The following CLSTN2 variants were observed in gnomAD, a reference collection of about 807,000 sequenced individuals.
CLSTN2 encodes calsyntenin-2.
A neutral mutation model predicts 101.2 loss-of-function variants in CLSTN2; 48 were observed. That is an observed-to-expected ratio of 0.47 (90% CI 0.38 to 0.60). CLSTN2 has a LOEUF of 0.60. Ranked by LOEUF, CLSTN2 falls within the 20% of genes least tolerant of loss-of-function variation. CLSTN2 has a pLI of 0.00. For synonymous variants in CLSTN2, 481 were observed against 463.6 expected (o/e 1.04, Z -0.48); for missense variants, 1,160 against 1,238.2 (o/e 0.94, Z 0.95).
chr3:139,989,982 C>A (rs1395593467), intron 1 of CLSTN2, among the ~76,000 whole-genome samples: 1 of 152,208 alleles, frequency 6.6e-6, no homozygotes, highest in Non-Finnish European at 1.5e-5. Context: ...GATTTCAAAG[C>A]CAGATGGCTG....
At chr3:140,281,883 A>C (rs2086850589) in intron 2 of CLSTN2, among the ~76,000 whole-genome samples, 1 of 152,152 alleles carries the variant, frequency 6.6e-6, no homozygotes, top group East Asian at 1.9e-4. Context: ...TAGCTGCTCT[A>C]TCGGATTAGT....
intron 12 of CLSTN2, among the ~76,000 whole-genome samples, chr3:140,559,142 A>C (rs1309969747): frequency 1.3e-5 from 2 of 151,710 alleles, no homozygotes; most frequent in Admixed American, 6.6e-5. Context: ...GTACCTACAC[A>C]TAGAATGATC....
intron 2 of CLSTN2, among the ~76,000 whole-genome samples, chr3:140,284,203 A>T (rs2086874270): frequency 6.6e-6 from 1 of 152,230 alleles, no homozygotes; most frequent in African/African-American, 2.4e-5. Context: ...GATTTTATCA[A>T]AATAAGAATT....
At chr3:140,036,515 C>T (rs1273305808) in intron 1 of CLSTN2, among the ~76,000 whole-genome samples, 2 of 151,968 alleles carry the variant, frequency 1.3e-5, no homozygotes, top group Non-Finnish European at 2.9e-5. Flanking sequence ...TATCCAGGGG[C>T]ATGGTCTCAA....
intron 5 of CLSTN2, among the ~76,000 whole-genome samples, chr3:140,423,826 G>C (rs749152344): frequency 6.6e-6 from 1 of 151,642 alleles, no homozygotes; most frequent in African/African-American, 2.4e-5. Flanking sequence ...TCTCCCTTAC[G>C]TGCCCACCCT....
Position 140,388,512 on chromosome 3 carries a change from C to T in CLSTN2, c.233-15117C>T, listed in dbSNP as rs116081673. ...AGCCAGGCACAGAAGCTTCTACTCT[C>T]CCTTTAGATTCCTATAATGGTAATT... On this transcript the variant is annotated intron_variant, in intron 2 of 16. Coordinates refer to ENST00000458420, the MANE Select transcript of CLSTN2 (RefSeq NM_022131.3). Among the ~76,000 whole-genome samples, 1,273 of 152,326 alleles carry T rather than the reference C, an allele frequency of 8.4e-3. 7 individuals are homozygous for T. Among genetic ancestry groups the T allele is most frequent in the South Asian group, 0.018 (89 of 4,826 alleles).
intron 1 of CLSTN2, among the ~76,000 whole-genome samples, chr3:139,952,644 G>T (rs1935313768): frequency 6.6e-6 from 1 of 152,150 alleles, no homozygotes; most frequent in Non-Finnish European, 1.5e-5. Context: ...AAAAAAAATT[G>T]GGGGAGCAAA....
At chr3:140,069,007 G>T (rs762773107) in intron 1 of CLSTN2, among the ~76,000 whole-genome samples, 3 of 152,164 alleles carry the variant, frequency 2.0e-5, no homozygotes, top group Non-Finnish European at 4.4e-5. Context: ...CTGCCACATA[G>T]TAGGTATTCA....
At chr3:140,184,350 G>A (rs1157511828) in intron 2 of CLSTN2, among the ~76,000 whole-genome samples, 1 of 152,172 alleles carries the variant, frequency 6.6e-6, no homozygotes, top group Non-Finnish European at 1.5e-5. Context: ...GCCTGGATGG[G>A]GAGGCCTCAG....
chr3:140,555,559 G>C (rs538603663), intron 10 of CLSTN2, among the ~76,000 whole-genome samples: 1 of 152,192 alleles, frequency 6.6e-6, no homozygotes, highest in South Asian at 2.1e-4. Context: ...CTATTCAAAA[G>C]GGTAAATACT....
intron 10 of CLSTN2, among the ~76,000 whole-genome samples, chr3:140,551,523 G>A (rs1935698668): frequency 6.6e-6 from 1 of 151,992 alleles, no homozygotes; most frequent in South Asian, 2.1e-4. Context: ...GGAAGAGTGG[G>A]AAAGAGCAAG....
chr3:140,151,518 C>T lies in CLSTN2; in HGVS notation c.110-24433C>T, dbSNP rs116514035. ...AGTGGGATCTTTATACACGGGGTGA[C>T]GGGAGTTGCTGGAAGGGTGTAATCA... On this transcript the variant is annotated intron_variant, in intron 1 of 16. Coordinates refer to ENST00000458420, the MANE Select transcript of CLSTN2 (RefSeq NM_022131.3). Among the ~76,000 whole-genome samples, 378 of 152,010 alleles carry T rather than the reference C, an allele frequency of 2.5e-3. 2 individuals are homozygous for T. The highest frequency in any genetic ancestry group is 8.5e-3 in the African/African-American group (354 of 41,492).
At chr3:140,156,612 A>G (rs115226707) in intron 1 of CLSTN2, among the ~76,000 whole-genome samples, 1,711 of 152,312 alleles carry the variant, frequency 0.011, 12 homozygotes, top group Middle Eastern at 0.02. Context: ...TGTCTGAGCC[A>G]GTGACTGAGT....
intron 1 of CLSTN2, among the ~76,000 whole-genome samples, chr3:140,147,230 G>A (rs973489744): frequency 2.6e-5 from 4 of 152,354 alleles, no homozygotes; most frequent in African/African-American, 9.6e-5. Flanking sequence ...AAATCAGGAA[G>A]AGCATCCCAG....
chr3:140,241,902 CACAT>C (rs1559816798), intron 2 of CLSTN2, among the ~76,000 whole-genome samples: 5 of 149,910 alleles, frequency 3.3e-5, no homozygotes, highest in African/African-American at 1.2e-4. Context: ...CACACACACA[CACAT>C]ATATATATAT....
At chr3:140,234,094 C>G (rs2086394953) in intron 2 of CLSTN2, among the ~76,000 whole-genome samples, 1 of 152,246 alleles carries the variant, frequency 6.6e-6, no homozygotes, top group Admixed American at 6.5e-5. Flanking sequence ...TCTGGGCCAA[C>G]TCAGCCCTGT....
chr3:140,511,538 G>C (rs1336318603), intron 8 of CLSTN2, among the ~76,000 whole-genome samples: 1 of 141,198 alleles, frequency 7.1e-6, no homozygotes, highest in Non-Finnish European at 1.5e-5. Context: ...TGCTGTTTCT[G>C]GACTTTTTTT....
intron 8 of CLSTN2, among the ~76,000 whole-genome samples, chr3:140,482,859 G>A (rs563550956): frequency 6.6e-6 from 1 of 152,012 alleles, no homozygotes; most frequent in African/African-American, 2.4e-5. Flanking sequence ...CTTGCTAGCG[G>A]TGTATCAATT....
chr3:140,351,352 A>G (rs1288629277), intron 2 of CLSTN2, among the ~76,000 whole-genome samples: 1 of 152,202 alleles, frequency 6.6e-6, no homozygotes, highest in Non-Finnish European at 1.5e-5. Context: ...GTGAGATACA[A>G]AGCTGGTTCA....
Sources: allele counts gnomAD v4.1 joint callset (sites outside exome capture counted in the v4.1 genomes callset), GRCh38; gene constraint gnomAD v4.1.1; transcripts MANE v1.5; gene names NCBI Gene and HGNC (gene_info 2026-07-23, HGNC 2026-07-21).